Variants in GGA2 observed in about 807,000 individuals in gnomAD.
The protein encoded by GGA2 is ADP-ribosylation factor-binding protein GGA2.
GGA2 carries 48 observed loss-of-function variants against 79.5 expected under a neutral mutation model. That is an observed-to-expected ratio of 0.60 (90% CI 0.48 to 0.77). GGA2 has a LOEUF of 0.77. Among genes scored for constraint, GGA2 ranks in the 30% least tolerant of loss-of-function variants. The probability of loss-of-function intolerance (pLI) is 0.00; values close to 1 mark genes in which losing one functional copy is unlikely to be tolerated. For synonymous variants in GGA2, 317 were observed against 302.0 expected, an observed-to-expected ratio of 1.05 and a Z score of -0.51; for missense variants, 770 against 774.0, an observed-to-expected ratio of 0.99 and a Z score of 0.06.
chr16:23,501,166 T>C (rs1282920296), intron 1 of GGA2: 10 of 441,704 alleles, frequency 2.3e-5, no homozygotes, highest in Non-Finnish European at 4.5e-5. Context: ...AACTGTACTT[T>C]CAGACATTTC....
At chr16:23,485,526 C>T (rs1242463251) in intron 8 of GGA2, among the ~76,000 whole-genome samples, 1 of 152,084 alleles carries the variant, frequency 6.6e-6, no homozygotes, top group African/African-American at 2.4e-5. Flanking sequence ...GACATTTACC[C>T]ATAAGAAATG....
intron 13 of GGA2, among the ~76,000 whole-genome samples, chr16:23,475,534 T>C (rs1964566668): frequency 6.6e-6 from 1 of 151,784 alleles, no homozygotes; most frequent in Admixed American, 6.6e-5. Flanking sequence ...CTCAGCTTCC[T>C]CATCTGTTAA....
rs1964420084 is a variant in GGA2 at position 23,465,198 on chromosome 16, C to A, written c.*2392G>T. ...ACACGGTCTCACTATGTAGCCCAGG[C>A]TGGACTTGAAATCCTGGGCTCAAGC... On this transcript the variant is annotated 3_prime_UTR_variant, in exon 17 of 17. Coordinates refer to ENST00000309859, the MANE Select transcript of GGA2 (RefSeq NM_015044.4). 1 of 628,064 alleles carries A rather than the reference C, an allele frequency of 1.6e-6. No individual in the cohort carries two copies. The highest frequency in any genetic ancestry group is 1.8e-5 in the African/African-American group (1 of 54,998). The allele number at this position is 628,064 out of a possible 1,614,324, so 38.9% of individuals were successfully genotyped here. A position where few individuals can be genotyped will look rare whatever the true frequency, so the allele number is the denominator to read the frequency against.
At chr16:23,484,115 CTG>C (rs1216312549) in intron 8 of GGA2, among the ~76,000 whole-genome samples, 2 of 151,322 alleles carry the variant, frequency 1.3e-5, no homozygotes, top group Non-Finnish European at 3.0e-5. Flanking sequence ...TGGTGAAACC[CTG>C]TCTCTACTGG....
At chr16:23,512,242 A>AT (rs1965075254), upstream of GGA2, among the ~76,000 whole-genome samples, 1 of 152,174 alleles carries the variant, frequency 6.6e-6, no homozygotes, top group East Asian at 1.9e-4. Flanking sequence ...GCATCAGTTT[A>AT]TATAGTATTT....
chr16:23,491,832 C>G, intron 4 of GGA2, 32 bp from the exon 5 acceptor site: 1 of 1,533,470 alleles, frequency 6.5e-7, no homozygotes, highest in South Asian at 1.1e-5. Context: ...AATTCTAGAG[C>G]TGGAAGGGAC....
At chr16:23,478,792 C>A in intron 12 of GGA2, 91 bp downstream of exon 12, 1 of 903,956 alleles carries the variant, frequency 1.1e-6, no homozygotes. Context: ...AGTGCAGGAG[C>A]ACCTCTCTGC....
chr16:23,508,198 C>T (rs540876988), intron 1 of GGA2, among the ~76,000 whole-genome samples: 4 of 152,110 alleles, frequency 2.6e-5, no homozygotes, highest in Admixed American at 2.6e-4. Flanking sequence ...TCCCAAGTAG[C>T]TGGAATTACA....
intron 14 of GGA2, 96 bp downstream of exon 14, chr16:23,474,808 A>T: frequency 1.1e-6 from 1 of 934,414 alleles, no homozygotes; most frequent in Non-Finnish European, 1.7e-6. Flanking sequence ...AACCAAATTT[A>T]AGGGCCACCT....
rs191208440 is a variant in GGA2, at chr16:23,486,397, T to C, written c.661-245A>G. 2.9e-3 allele frequency among the ~76,000 whole-genome samples: 436 copies of C among 152,326 alleles called. 5 individuals carry two copies. Among genetic ancestry groups the C allele is most frequent in the Non-Finnish European group, 3.9e-3 (263 of 68,040 alleles). On this transcript the variant is annotated intron_variant, in intron 7 of 16. Transcript: ENST00000309859. ...CCTTTGTGCCACCAGCCTCAAGTCC[T>C]CTGAAAAGCAGATTCCTAAACCTGG...
At chr16:23,507,590 T>C (rs965426283) in intron 1 of GGA2, among the ~76,000 whole-genome samples, 4 of 151,550 alleles carry the variant, frequency 2.6e-5, no homozygotes, top group African/African-American at 9.7e-5. Flanking sequence ...ATCGTGCCAC[T>C]GTACTCCAGC....
intron 1 of GGA2, among the ~76,000 whole-genome samples, chr16:23,502,940 T>C (rs1324049750): frequency 3.3e-5 from 5 of 152,206 alleles, no homozygotes; most frequent in Non-Finnish European, 7.3e-5. Flanking sequence ...GATTAAGTTT[T>C]TGTGGAAGGG....
chr16:23,480,097 CAGGGATCAT>C, intron 10 of GGA2: 1 of 544,436 alleles, frequency 1.8e-6, no homozygotes, highest in Non-Finnish European at 3.3e-6. Flanking sequence ...CTTCCTACCC[CAGGGATCAT>C]AGGCCCTCCT....
At position 23,465,089 on chromosome 16, in the gene GGA2, T is replaced by C; in HGVS notation, c.*2501A>G. Reference sequence around the variant, plus strand: ...TCCAGCACACACATCATGAATTTGCTTCTCCCCAGAGGAAAAGAAGCTCCT... The same window carrying C: ...TCCAGCACACACATCATGAATTTGCCTCTCCCCAGAGGAAAAGAAGCTCCT... On this transcript the variant is annotated 3_prime_UTR_variant, in exon 17 of 17. Transcript: ENST00000309859. The C allele has an allele frequency of 1.8e-6, 1 of 557,348 alleles. No individual in the cohort carries two copies. Among genetic ancestry groups the C allele is most frequent in the Non-Finnish European group, 3.2e-6 (1 of 312,572 alleles). 34.5% of individuals were successfully genotyped at this position (557,348 alleles called of 1,614,324 possible). A position where few individuals can be genotyped will look rare whatever the true frequency, so the allele number is the denominator to read the frequency against.
rs532583242 is a variant in GGA2, at chr16:23,478,977, G to A, written c.1130-66C>T. 17 of 1,067,208 alleles carry A rather than the reference G, an allele frequency of 1.6e-5. No individual in the cohort carries two copies. The African/African-American group carries it at 2.6e-4, about 17-fold the overall frequency. 66.1% of individuals were successfully genotyped at this position (1,067,208 alleles called of 1,614,324 possible). A position where few individuals can be genotyped will look rare whatever the true frequency, so the allele number is the denominator to read the frequency against. On this transcript the variant is annotated intron_variant, in intron 11 of 16. Transcript: ENST00000309859. ...CACCTGCTTCCAGATGAAGAGTAATGCCACACCCATCCTTTCTAGGACATC... is the reference window on the plus strand; with the variant it reads ...CACCTGCTTCCAGATGAAGAGTAATACCACACCCATCCTTTCTAGGACATC...
intron 8 of GGA2, among the ~76,000 whole-genome samples, chr16:23,485,672 G>A (rs1316017483): frequency 3.3e-5 from 5 of 152,282 alleles, no homozygotes; most frequent in Admixed American, 6.5e-5. Flanking sequence ...GACAGTACCC[G>A]GCAATAAGAA....
intron 1 of GGA2, among the ~76,000 whole-genome samples, chr16:23,497,122 A>C (rs986603044): frequency 1.4e-5 from 2 of 138,406 alleles, no homozygotes; most frequent in South Asian, 2.4e-4. Flanking sequence ...AAAAAAAAAA[A>C]CAACCACCCT....
At chr16:23,472,906 C>T (rs552473307) in intron 14 of GGA2, among the ~76,000 whole-genome samples, 2 of 150,538 alleles carry the variant, frequency 1.3e-5, no homozygotes, top group South Asian at 2.1e-4. Flanking sequence ...TGGTTGTGGG[C>T]ACCTGTGTCC....
rs528785666 is a variant in GGA2, at chr16:23,508,652, C to A, written c.91+1669G>T. 2.0e-5 allele frequency among the ~76,000 whole-genome samples: 3 copies of A among 152,244 alleles called. No individual in the cohort carries two copies. The South Asian group carries it at 6.2e-4, about 32-fold the overall frequency. ...CATCTGCCTCTTCAATGCTGGGGCT[C>A]CCCACGCTCTCTTTCCAAACCTCTG... On this transcript the variant is annotated intron_variant, in intron 1 of 16. Transcript: ENST00000309859.
Sources: gnomAD v4.1 joint callset for allele counts (sites outside exome capture counted in the v4.1 genomes callset) on GRCh38, gnomAD v4.1.1 for gene constraint, MANE v1.5 for transcripts, NCBI Gene and HGNC (gene_info 2026-07-23, HGNC 2026-07-21) for gene names.